The following NMRK1 variants were observed in gnomAD, a reference collection of about 807,000 sequenced individuals.
NMRK1 encodes NRK 1.
Under a neutral mutation model 29.9 loss-of-function variants are expected in NMRK1, and 28 were observed. That is an observed-to-expected ratio of 0.94 (90% CI 0.69 to 1.28). The LOEUF is 1.28. Among genes scored for constraint, NMRK1 ranks in the 50% most tolerant of loss-of-function variants. The pLI, the probability that NMRK1 is intolerant of heterozygous loss-of-function variation, is 0.00. For synonymous variants in NMRK1, 58 were observed against 73.0 expected (o/e 0.79, Z 1.05); for missense variants, 218 against 233.1 (o/e 0.94, Z 0.42).
At chr9:75,065,239 A>G (rs1186546880) in intron 8 of NMRK1, among the ~76,000 whole-genome samples, 1 of 152,090 alleles carries the variant, frequency 6.6e-6, no homozygotes, top group Non-Finnish European at 1.5e-5. Context: ...GTGCAATCTT[A>G]GCTCACTGCA....
chr9:75,087,904 G>C (rs1824773584), intron 1 of NMRK1, 104 bp downstream of exon 1: 2 of 153,218 alleles, frequency 1.3e-5, no homozygotes, highest in African/African-American at 4.8e-5. Flanking sequence ...AAGGCTTTCA[G>C]GGCGCAACCA....
chr9:75,078,573 G>A, intron 2 of NMRK1: 10 of 1,271,552 alleles, frequency 7.9e-6, no homozygotes, highest in Non-Finnish European at 8.9e-6. Context: ...TTTTAACCTG[G>A]GGCTCATGTC....
At chr9:75,062,353 C>T (rs1823071762) in intron 8 of NMRK1, among the ~76,000 whole-genome samples, 1 of 152,040 alleles carries the variant, frequency 6.6e-6, no homozygotes, top group Admixed American at 6.6e-5. Context: ...AAAATACAAA[C>T]ATCTGATAAT....
rs1824050307 is a variant in NMRK1 at position 75,077,287 on chromosome 9, C to T, written c.121-80G>A. On this transcript the variant is annotated intron_variant, in intron 3 of 8. Coordinates refer to ENST00000361092, the MANE Select transcript of NMRK1 (RefSeq NM_017881.3). ...ATTATAGACTAAAAAGGAGAGAAGT[C>T]TTTAATAAATGCTTTGGATGATCAA... The T allele has an allele frequency of 2.9e-6, 3 of 1,038,018 alleles. No individual in the cohort carries two copies. The Admixed American group carries it at 6.4e-5, about 22-fold the overall frequency. 64.3% of individuals were successfully genotyped at this position (1,038,018 alleles called of 1,614,324 possible). A position where few individuals can be genotyped will look rare whatever the true frequency, so the allele number is the denominator to read the frequency against.
intron 4 of NMRK1, among the ~76,000 whole-genome samples, chr9:75,075,538 G>C (rs1446717554): frequency 1.3e-5 from 2 of 152,168 alleles, no homozygotes; most frequent in East Asian, 3.8e-4. Context: ...TCACTAGTTT[G>C]TGTAAGTATT....
At chr9:75,072,827 T>C (rs941235885) in intron 4 of NMRK1, among the ~76,000 whole-genome samples, 2 of 152,230 alleles carry the variant, frequency 1.3e-5, no homozygotes, top group Non-Finnish European at 2.9e-5. Context: ...CTTGCATATA[T>C]GGACTGTTTG....
chr9:75,084,614 C>T lies in NMRK1; in HGVS notation c.-35-1464G>A, dbSNP rs1033086772. 5.2e-4 allele frequency among the ~76,000 whole-genome samples: 79 copies of T among 152,126 alleles called. 2 individuals are homozygous for T. Among genetic ancestry groups the T allele is most frequent in the Non-Finnish European group, 1.0e-4 (7 of 68,028 alleles). On this transcript the variant is annotated intron_variant, in intron 1 of 8. Coordinates refer to ENST00000361092, the MANE Select transcript of NMRK1 (RefSeq NM_017881.3). ...GACCAGCCTGGGCAACATGGCAAAA[C>T]GCTACCTCTACCAAAAATACAAAAG...
chr9:75,070,104 T>C, intron 4 of NMRK1, 62 bp from the exon 5 acceptor site: 1 of 1,337,014 alleles, frequency 7.5e-7, no homozygotes, highest in Non-Finnish European at 1.0e-6. Context: ...ATGTGACTTT[T>C]TGTGATGAGT....
At position 75,083,082 on chromosome 9, in the gene NMRK1, C is replaced by G; in HGVS notation, c.29+5G>C. On this transcript the variant is annotated splice_donor_5th_base_variant and intron_variant, in intron 2 of 8. Coordinates refer to ENST00000361092, the MANE Select transcript of NMRK1 (RefSeq NM_017881.3). ...TAAAGAGCTGTTTGTAGCAAAATTACTCACCCACTGATTCCAATGATAAAT... is the reference window on the plus strand; with the variant it reads ...TAAAGAGCTGTTTGTAGCAAAATTAGTCACCCACTGATTCCAATGATAAAT... 1 of 1,595,084 alleles carries G rather than the reference C, an allele frequency of 6.3e-7. No individual in the cohort carries two copies. Among genetic ancestry groups the G allele is most frequent in the Non-Finnish European group, 8.6e-7 (1 of 1,162,570 alleles).
rs1348508794 is a variant in NMRK1, at chr9:75,070,052, A to C, written c.170-10T>G. Reference sequence around the variant, plus strand: ...TTAAGTGCTTCAAGCACTTCAAACAAACACACAAAAATATGCAATCAATAT... The same window carrying C: ...TTAAGTGCTTCAAGCACTTCAAACACACACACAAAAATATGCAATCAATAT... On this transcript the variant is annotated splice_polypyrimidine_tract_variant and intron_variant, in intron 4 of 8. Coordinates refer to ENST00000361092, the MANE Select transcript of NMRK1 (RefSeq NM_017881.3). The C allele has an allele frequency of 1.2e-6, 2 of 1,604,028 alleles. No individual in the cohort carries two copies. Among genetic ancestry groups the C allele is most frequent in the Admixed American group, 1.8e-5 (1 of 57,124 alleles).
Position 75,077,245 on chromosome 9 carries a change from A to T in NMRK1, c.121-38T>A, listed in dbSNP as rs756443885. The T allele has an allele frequency of 1.8e-5, 24 of 1,353,774 alleles. No individual in the cohort carries two copies. The East Asian group carries it at 5.5e-4, about 31-fold the overall frequency. 83.9% of individuals were successfully genotyped at this position (1,353,774 alleles called of 1,614,324 possible). Reference sequence around the variant, plus strand: ...TAAAGTACCCATCAAAACAGTGTGTAGGAAAGAAATAATACAATTATAGAC... The same window carrying T: ...TAAAGTACCCATCAAAACAGTGTGTTGGAAAGAAATAATACAATTATAGAC... On this transcript the variant is annotated intron_variant, in intron 3 of 8. Transcript: ENST00000361092.
rs1824400436 is a variant in NMRK1 at position 75,082,923 on chromosome 9, T to A, written c.29+164A>T. 8.2e-6 allele frequency: 5 copies of A among 607,772 alleles called. No homozygotes were observed. In the South Asian group the frequency reaches 1.0e-4, roughly 12 times the overall value. 37.6% of individuals were successfully genotyped at this position (607,772 alleles called of 1,614,324 possible). ...TTATAGAAAACTCTTCCATCTCTTG[T>A]TGGCATTTATGAAGCCAGTGCTCCA... On this transcript the variant is annotated intron_variant, in intron 2 of 8. Transcript: ENST00000361092.
chr9:75,085,726 G>GTTTTT (rs58741153), intron 1 of NMRK1, among the ~76,000 whole-genome samples: 14 of 85,142 alleles, frequency 1.6e-4, no homozygotes, highest in South Asian at 4.6e-4. Context: ...TCAAATGTAA[G>GTTTTT]TTTTTTTTTT....
At position 75,077,131 on chromosome 9, in the gene NMRK1, A is replaced by G. The variant is rs771609635; in HGVS notation, c.169+28T>C. The G allele has an allele frequency of 3.7e-6, 5 of 1,344,234 alleles. No homozygotes were observed. In the African/African-American group the frequency reaches 7.2e-5, roughly 19 times the overall value. 83.3% of individuals were successfully genotyped at this position (1,344,234 alleles called of 1,614,324 possible). ...TGAAAAAGAAAATGAACATAAGCAT[A>G]TAATATTTGACAAGTAAATCTACTT... On this transcript the variant is annotated intron_variant, in intron 4 of 8. Transcript: ENST00000361092.
intron 2 of NMRK1, among the ~76,000 whole-genome samples, chr9:75,079,934 G>A (rs935531832): frequency 7.2e-5 from 11 of 152,102 alleles, no homozygotes; most frequent in African/African-American, 2.7e-4. Context: ...TAGGATCTGA[G>A]GAAGGAAAAA....
chr9:75,077,695 G>C (rs1824083271), intron 2 of NMRK1, 115 bp from the exon 3 acceptor site: 1 of 699,938 alleles, frequency 1.4e-6, no homozygotes, highest in Non-Finnish European at 2.5e-6. Flanking sequence ...GAGTGCAGTG[G>C]TGCAATCTTG....
intron 8 of NMRK1, chr9:75,066,359 A>C: frequency 6.5e-6 from 3 of 461,718 alleles, no homozygotes; most frequent in South Asian, 4.8e-5. Flanking sequence ...AGGTATTTGG[A>C]AAGTAGAAAT....
intron 4 of NMRK1, among the ~76,000 whole-genome samples, chr9:75,074,507 C>T (rs1334921698): frequency 1.3e-5 from 2 of 152,040 alleles, no homozygotes; most frequent in Non-Finnish European, 2.9e-5. Flanking sequence ...TCGCCTCAGT[C>T]TCCTTGGTAG....
intron 2 of NMRK1, among the ~76,000 whole-genome samples, chr9:75,081,755 T>C (rs938448568): frequency 1.3e-5 from 2 of 152,128 alleles, no homozygotes; most frequent in African/African-American, 2.4e-5. Context: ...CCCACCTCTT[T>C]TACCATGGTG....
Sources: allele counts gnomAD v4.1 joint callset (sites outside exome capture counted in the v4.1 genomes callset), GRCh38; gene constraint gnomAD v4.1.1; transcripts MANE v1.5; gene names NCBI Gene and HGNC (gene_info 2026-07-23, HGNC 2026-07-21).